Variants in AJAP1 observed in about 807,000 individuals in gnomAD.
AJAP1 encodes adherens junction-associated protein 1.
In AJAP1, 5 loss-of-function variants were observed where a neutral mutation model predicts 35.0. That is an observed-to-expected ratio of 0.14 (90% CI 0.07 to 0.30). The LOEUF (loss-of-function observed/expected upper bound fraction) is 0.30, where lower values mean the gene tolerates loss of function less well. Ranked by LOEUF, AJAP1 falls within the 10% of genes least tolerant of loss-of-function variation. The pLI is 1.00. For synonymous variants in AJAP1, 284 were observed against 249.3 expected (o/e 1.14, Z -1.31); for missense variants, 586 against 571.0 (o/e 1.03, Z -0.27).
At chr1:4,760,079 A>G (rs1276546057) in intron 2 of AJAP1, among the ~76,000 whole-genome samples, 3 of 152,228 alleles carry the variant, frequency 2.0e-5, no homozygotes, top group African/African-American at 7.2e-5. Context: ...AAGTTCAGTG[A>G]AAGAAATGGG....
chr1:4,708,144 T>A (rs1640142840), intron 1 of AJAP1, among the ~76,000 whole-genome samples: 1 of 151,698 alleles, frequency 6.6e-6, no homozygotes, highest in Non-Finnish European at 1.5e-5. Flanking sequence ...ATTTTTGTAT[T>A]TTTAGTAGAG....
chr1:4,710,203 TACAC>T (rs1408301609), intron 1 of AJAP1, among the ~76,000 whole-genome samples: 1 of 151,666 alleles, frequency 6.6e-6, no homozygotes, highest in African/African-American at 2.4e-5. Context: ...GATACACTCA[TACAC>T]ACTGACACAC....
chr1:4,711,891 C>A lies in AJAP1; in HGVS notation c.30-9C>A. ...CTGACCGCTCTTCTCTCCTTTCCCC[C>A]CCGCACAGCTCCATGTCCATCCGCT... On this transcript the variant is annotated splice_polypyrimidine_tract_variant and intron_variant, in intron 1 of 5. Coordinates refer to ENST00000378191, the MANE Select transcript of AJAP1 (RefSeq NM_018836.4). 6.8e-7 allele frequency: 1 copy of A among 1,473,998 alleles called. No homozygotes were observed. The allele number at this position is 1,473,998 out of a possible 1,614,324, so 91.3% of individuals were successfully genotyped here. A position where few individuals can be genotyped will look rare whatever the true frequency, so the allele number is the denominator to read the frequency against.
chr1:4,774,702 C>T, intron 5 of AJAP1, 144 bp downstream of exon 5: 1 of 578,700 alleles, frequency 1.7e-6, no homozygotes, highest in Admixed American at 3.0e-5. Flanking sequence ...TGAACATGAG[C>T]CGGCGGGGGG....
At chr1:4,665,564 A>G (rs1570086198) in intron 1 of AJAP1, among the ~76,000 whole-genome samples, 1 of 152,132 alleles carries the variant, frequency 6.6e-6, no homozygotes, top group East Asian at 1.9e-4. Flanking sequence ...TCAGGCTCTC[A>G]CCCCGACGGT....
intron 2 of AJAP1, among the ~76,000 whole-genome samples, chr1:4,727,391 G>A (rs746309261): frequency 4.6e-5 from 7 of 152,202 alleles, no homozygotes; most frequent in African/African-American, 9.6e-5. Context: ...GGGACAGTGC[G>A]GAGAAAGCTA....
chr1:4,772,800 G>C (rs1022861891), intron 4 of AJAP1, among the ~76,000 whole-genome samples: 1 of 152,120 alleles, frequency 6.6e-6, no homozygotes. Flanking sequence ...TAGTCTCCCA[G>C]CCCTCGCTCT....
At chr1:4,700,542 C>A (rs1639963415) in intron 1 of AJAP1, among the ~76,000 whole-genome samples, 1 of 152,196 alleles carries the variant, frequency 6.6e-6, no homozygotes, top group African/African-American at 2.4e-5. Flanking sequence ...TGAGCTGACC[C>A]CCAGGGGATG....
At chr1:4,748,386 A>T (rs1369651028) in intron 2 of AJAP1, among the ~76,000 whole-genome samples, 1 of 152,140 alleles carries the variant, frequency 6.6e-6, no homozygotes, top group Non-Finnish European at 1.5e-5. Flanking sequence ...AGCACCTGCA[A>T]GGGGGAGGCA....
chr1:4,721,170 G>A (rs746802853), intron 2 of AJAP1, among the ~76,000 whole-genome samples: 7 of 152,246 alleles, frequency 4.6e-5, no homozygotes, highest in Non-Finnish European at 7.3e-5. Context: ...GTAGGAGGGG[G>A]ATCTGCAGCT....
chr1:4,749,864 CTG>C (rs1238613472), intron 2 of AJAP1, among the ~76,000 whole-genome samples: 4 of 152,004 alleles, frequency 2.6e-5, no homozygotes, highest in African/African-American at 4.8e-5. Flanking sequence ...GCCCGTGCGT[CTG>C]TGTTTTTGTG....
In AJAP1 at chr1:4,784,680, T is replaced by G. The variant is rs1231794376; in HGVS notation, c.*2195T>G. ...TGTATCCATGGTATTGCTCACAAAT[T>G]AGGAAAAGTTGTTCTTTAGTTTTTG... On this transcript the variant is annotated 3_prime_UTR_variant, in exon 6 of 6. Transcript: ENST00000378191. 13 of 152,250 alleles carry G rather than the reference T, an allele frequency of 8.5e-5. No homozygotes were observed. The highest frequency in any genetic ancestry group is 8.5e-4 in the Admixed American group (13 of 15,286). The allele number at this position is 152,250 out of a possible 1,614,324, so 9.4% of individuals were successfully genotyped here. A position where few individuals can be genotyped will look rare whatever the true frequency, so the allele number is the denominator to read the frequency against.
At chr1:4,737,316 C>T (rs1031201160) in intron 2 of AJAP1, among the ~76,000 whole-genome samples, 3 of 152,084 alleles carry the variant, frequency 2.0e-5, no homozygotes, top group Admixed American at 1.3e-4. Flanking sequence ...TGGACAAGCC[C>T]CCGTCACCAC....
intron 2 of AJAP1, among the ~76,000 whole-genome samples, chr1:4,766,927 G>A (rs1002666713): frequency 1.3e-5 from 2 of 152,108 alleles, no homozygotes; most frequent in African/African-American, 4.8e-5. Context: ...CAGGTGTGAA[G>A]GCTTAGCTAG....
chr1:4,790,682 G>A lies in AJAP1; in HGVS notation c.*8197G>A, dbSNP rs1642234196. ...TAGCAAAGTTAGTTATCAGTCAACT[G>A]ATGATAACTGTGATCCTTAAAGATG... On this transcript the variant is annotated 3_prime_UTR_variant, in exon 6 of 6. Coordinates refer to ENST00000378191, the MANE Select transcript of AJAP1 (RefSeq NM_018836.4). The A allele has an allele frequency of 6.6e-6, 1 of 152,176 alleles. No homozygotes were observed. Among genetic ancestry groups the A allele is most frequent in the African/African-American group, 2.4e-5 (1 of 41,458 alleles). 9.4% of individuals were successfully genotyped at this position (152,176 alleles called of 1,614,324 possible). A position where few individuals can be genotyped will look rare whatever the true frequency, so the allele number is the denominator to read the frequency against.
rs1443318760 is a variant in AJAP1 at position 4,734,964 on chromosome 1, G to A, written c.829+22265G>A. On this transcript the variant is annotated intron_variant, in intron 2 of 5. Transcript: ENST00000378191. The surrounding 1 kb of genome is among the most constrained non-coding windows in gnomAD (Gnocchi z 4.3). Reference sequence around the variant, plus strand: ...CTCCTCCGTCCATCGCCTGCAAGCTGAGCCGCGTGATGGAGCTCAGCCTGC... The same window carrying A: ...CTCCTCCGTCCATCGCCTGCAAGCTAAGCCGCGTGATGGAGCTCAGCCTGC... 1.3e-5 allele frequency among the ~76,000 whole-genome samples: 2 copies of A among 152,218 alleles called. No homozygotes were observed. The highest frequency in any genetic ancestry group is 2.9e-5 in the Non-Finnish European group (2 of 68,042).
In AJAP1 at chr1:4,782,354, C is replaced by A. The variant is rs991722108; in HGVS notation, c.*60-191C>A. On this transcript the variant is annotated intron_variant, in intron 5 of 5. Transcript: ENST00000378191. The surrounding 1 kb of genome is among the most constrained non-coding windows in gnomAD (Gnocchi z 5.3). Reference sequence around the variant, plus strand: ...TTCCCAGTGTTTCTTCCAGTTCCTGCTGACCAGTTCTAGTGAGGCCTTGTC... The same window carrying A: ...TTCCCAGTGTTTCTTCCAGTTCCTGATGACCAGTTCTAGTGAGGCCTTGTC... 1.3e-5 allele frequency among the ~76,000 whole-genome samples: 2 copies of A among 152,198 alleles called. No individual in the cohort carries two copies. Among genetic ancestry groups the A allele is most frequent in the African/African-American group, 4.8e-5 (2 of 41,456 alleles).
At chr1:4,669,748 C>T (rs1005614584) in intron 1 of AJAP1, among the ~76,000 whole-genome samples, 1 of 152,158 alleles carries the variant, frequency 6.6e-6, no homozygotes, top group African/African-American at 2.4e-5. Flanking sequence ...ATCAGTACTT[C>T]ACTCCTTTTT....
chr1:4,764,048 C>A (rs1641628966), intron 2 of AJAP1, among the ~76,000 whole-genome samples: 1 of 152,036 alleles, frequency 6.6e-6, no homozygotes. Flanking sequence ...TTCTCCTGCC[C>A]TTGGCCTTGG....
Sources: gnomAD v4.1 joint callset for allele counts (sites outside exome capture counted in the v4.1 genomes callset) on GRCh38, gnomAD v4.1.1 for gene constraint, Gnocchi (gnomAD v3.1) non-coding constraint, MANE v1.5 for transcripts, NCBI Gene and HGNC (gene_info 2026-07-23, HGNC 2026-07-21) for gene names.